The following PLEKHA5 variants were observed in gnomAD, a reference collection of about 807,000 sequenced individuals.
PLEKHA5 encodes pleckstrin homology domain containing A5.
A neutral mutation model predicts 181.9 loss-of-function variants in PLEKHA5; 55 were observed. The observed-to-expected ratio is 0.30, with a 90% confidence interval of 0.24 to 0.38. The LOEUF (loss-of-function observed/expected upper bound fraction) is 0.38, where lower values mean the gene tolerates loss of function less well. Among genes scored for constraint, PLEKHA5 ranks in the 10% least tolerant of loss-of-function variants. The pLI is 1.00. For missense variants in PLEKHA5, 1,432 were observed against 1,549.5 expected (o/e 0.92, Z 1.27); for synonymous variants, 535 against 529.4 (o/e 1.01, Z -0.15).
intron 15 of PLEKHA5, among the ~76,000 whole-genome samples, chr12:19,312,646 G>T (rs2086976197): frequency 6.6e-6 from 1 of 152,178 alleles, no homozygotes; most frequent in Non-Finnish European, 1.5e-5. Context: ...CCTTGCTCTG[G>T]AATAGGCTTT....
At chr12:19,188,893 A>G (rs113806116) in intron 3 of PLEKHA5, among the ~76,000 whole-genome samples, 2,599 of 152,306 alleles carry the variant, frequency 0.017, 91 homozygotes, top group African/African-American at 0.059. Flanking sequence ...TCAATGACCA[A>G]TGTTTACTGA....
chr12:19,353,861 C>G lies in PLEKHA5; in HGVS notation c.3020-23C>G, dbSNP rs369514721. The G allele has an allele frequency of 5.1e-5, 53 of 1,041,816 alleles. No homozygotes were observed. In the Middle Eastern group the frequency reaches 6.1e-4, roughly 12 times the overall value. 64.5% of individuals were successfully genotyped at this position (1,041,816 alleles called of 1,614,324 possible). On this transcript the variant is annotated intron_variant, in intron 25 of 31. Coordinates refer to ENST00000429027, the MANE Select transcript of PLEKHA5 (RefSeq NM_001256470.2). Reference sequence around the variant, plus strand: ...GCTGTATAAAAGATGTTTTGTAAAACTTACTGCTGTTTTAATTTTTAGGTT... The same window carrying G: ...GCTGTATAAAAGATGTTTTGTAAAAGTTACTGCTGTTTTAATTTTTAGGTT...
At chr12:19,157,584 A>G (rs1038920273) in intron 3 of PLEKHA5, among the ~76,000 whole-genome samples, 1 of 152,136 alleles carries the variant, frequency 6.6e-6, no homozygotes, top group Non-Finnish European at 1.5e-5. Context: ...GGAACACTTA[A>G]CTATATGTTC....
At position 19,367,258 on chromosome 12, in the gene PLEKHA5, CTTTTTTT is replaced by C. The variant is rs376634416; in HGVS notation, c.3754+1168_3754+1174del. On this transcript the variant is annotated intron_variant, in intron 30 of 31. Transcript: ENST00000429027. ...AGTGCATATTATCGCTTTGCTTCTT[CTTTTTTT>C]TTTTTTTTTTTTTTTTTTGAAGCTC... is the stretch of plus-strand genomic sequence containing the variant. 6.1e-4 allele frequency among the ~76,000 whole-genome samples: 44 copies of C among 72,010 alleles called. 1 individual carries two copies. In the South Asian group the frequency reaches 0.016, roughly 26 times the overall value. The allele number at this position is 72,010 out of a possible 152,430, so 47.2% of individuals were successfully genotyped here.
At chr12:19,281,709 A>G (rs1398199713) in intron 11 of PLEKHA5, among the ~76,000 whole-genome samples, 1 of 152,096 alleles carries the variant, frequency 6.6e-6, no homozygotes, top group Non-Finnish European at 1.5e-5. Context: ...TTCACCTAGT[A>G]TGAAGTTGGC....
At chr12:19,200,350 C>T (rs1565458279) in intron 3 of PLEKHA5, 3 of 1,529,742 alleles carry the variant, frequency 2.0e-6, no homozygotes, top group Admixed American at 3.9e-5. Context: ...TTTCATTCTT[C>T]CTGGGAATAG....
chr12:19,172,822 C>T (rs1486569033), intron 3 of PLEKHA5, among the ~76,000 whole-genome samples: 1 of 151,980 alleles, frequency 6.6e-6, no homozygotes, highest in Non-Finnish European at 1.5e-5. Flanking sequence ...GAAAATAACA[C>T]AGAATTTCAT....
At chr12:19,199,951 G>A (rs1808137707) in intron 3 of PLEKHA5, among the ~76,000 whole-genome samples, 1 of 152,080 alleles carries the variant, frequency 6.6e-6, no homozygotes, top group Non-Finnish European at 1.5e-5. Context: ...TGAATATCAT[G>A]GAGGTCGACA....
chr12:19,267,524 G>A (rs984804807), intron 8 of PLEKHA5, among the ~76,000 whole-genome samples: 3 of 151,994 alleles, frequency 2.0e-5, no homozygotes, highest in African/African-American at 4.8e-5. Flanking sequence ...ACCAGACATT[G>A]TGGTGCTTGC....
intron 3 of PLEKHA5, among the ~76,000 whole-genome samples, chr12:19,211,514 C>T (rs1291104280): frequency 6.6e-6 from 1 of 152,102 alleles, no homozygotes; most frequent in African/African-American, 2.4e-5. Context: ...TGAACTTATT[C>T]TCCTTTACGG....
At chr12:19,185,632 T>C (rs1323590291) in intron 3 of PLEKHA5, among the ~76,000 whole-genome samples, 2 of 152,198 alleles carry the variant, frequency 1.3e-5, no homozygotes, top group African/African-American at 2.4e-5. Flanking sequence ...ATTGAACCAA[T>C]ACATTCCCTC....
chr12:19,371,618 A>G, intron 31 of PLEKHA5: 1 of 175,206 alleles, frequency 5.7e-6, no homozygotes, highest in Non-Finnish European at 1.2e-5. Context: ...AGCTCCATCC[A>G]AGTTGCTGCA....
chr12:19,255,897 AAAG>A (rs2066755778), intron 5 of PLEKHA5, among the ~76,000 whole-genome samples: 1 of 151,344 alleles, frequency 6.6e-6, no homozygotes, highest in South Asian at 2.1e-4. Context: ...AAAAAAAAAA[AAAG>A]AAAAGCTCAG....
chr12:19,130,700 G>C lies in PLEKHA5; in HGVS notation c.169+570G>C, dbSNP rs1484854400. On this transcript the variant is annotated intron_variant, in intron 2 of 31. Coordinates refer to ENST00000429027, the MANE Select transcript of PLEKHA5 (RefSeq NM_001256470.2). The surrounding 1 kb of genome is among the most constrained non-coding windows in gnomAD (Gnocchi z 4.5). ...GGCTGATGAAGGAGGAGGAGGAGGA[G>C]GAGAGGAGTTCGGGGGTGCTGCGAT... The C allele has an allele frequency of 2.6e-5, 4 of 152,716 alleles. No individual in the cohort carries two copies. The highest frequency in any genetic ancestry group is 1.5e-5 in the Non-Finnish European group (1 of 68,426). 9.5% of individuals were successfully genotyped at this position (152,716 alleles called of 1,614,324 possible).
intron 11 of PLEKHA5, among the ~76,000 whole-genome samples, chr12:19,278,238 A>G (rs901048395): frequency 6.6e-6 from 1 of 152,210 alleles, no homozygotes; most frequent in African/African-American, 2.4e-5. Context: ...CTAAAAATAT[A>G]TATATCCTGC....
chr12:19,365,744 A>G (rs1041167208), intron 29 of PLEKHA5, among the ~76,000 whole-genome samples: 1 of 152,232 alleles, frequency 6.6e-6, no homozygotes, highest in Non-Finnish European at 1.5e-5. Context: ...TAGGGCTTAG[A>G]TGAAGCAAGA....
intron 3 of PLEKHA5, among the ~76,000 whole-genome samples, chr12:19,170,542 C>T (rs912130866): frequency 6.6e-6 from 1 of 151,728 alleles, no homozygotes; most frequent in African/African-American, 2.4e-5. Context: ...ACTCCTGCCT[C>T]CGGAGTAGCT....
intron 15 of PLEKHA5, among the ~76,000 whole-genome samples, chr12:19,301,586 C>T (rs1296446053): frequency 5.3e-5 from 8 of 152,132 alleles, no homozygotes; most frequent in Non-Finnish European, 1.0e-4. Context: ...TCAAAGTTTG[C>T]TTTCAAATAT....
chr12:19,185,077 ACTT>A (rs1322490174), intron 3 of PLEKHA5, among the ~76,000 whole-genome samples: 6 of 151,838 alleles, frequency 4.0e-5, no homozygotes, highest in East Asian at 3.9e-4. Flanking sequence ...TTAGAAATGT[ACTT>A]CTTCTCTATA....
Sources: allele counts gnomAD v4.1 joint callset (sites outside exome capture counted in the v4.1 genomes callset), GRCh38; gene constraint gnomAD v4.1.1; non-coding constraint Gnocchi (gnomAD v3.1); transcripts MANE v1.5; gene names NCBI Gene and HGNC (gene_info 2026-07-23, HGNC 2026-07-21).